The following CDH26 variants were observed in gnomAD, a reference collection of about 807,000 sequenced individuals.
CDH26 encodes cadherin 26, also known as cadherin-like protein 26.
In CDH26, 83 loss-of-function variants were observed where a neutral mutation model predicts 90.3. The observed-to-expected ratio is 0.92, with a 90% CI of 0.77 to 1.10. The LOEUF is 1.10. CDH26 is among the 50% of genes least tolerant of loss of function. The probability of loss-of-function intolerance (pLI) is 0.00; values close to 1 mark genes in which losing one functional copy is unlikely to be tolerated. For synonymous variants in CDH26, 397 were observed against 396.3 expected, an observed-to-expected ratio of 1.00 and a Z score of -0.02; for missense variants, 1,013 against 1,037.6, an observed-to-expected ratio of 0.98 and a Z score of 0.33.
In CDH26 at chr20:59,996,759, C is replaced by G. The variant is rs777549223; in HGVS notation, c.2017C>G (p.Gln673Glu). The change falls in exon 13 of 18, where the codon CAG becomes GAG. Residue 673 changes from glutamine (Q) to glutamate (E), a missense_variant and splice_region_variant. Transcript: ENST00000348616. ...TGCGGAGAGCAAAGGCACTTCAGCC[C>G]AGGTAGTGGAATGTCATGCTTTGTG... Reference protein sequence around the residue: ...YNAESKGTSAQTWSDVEGQRP... With the variant: ...YNAESKGTSAETWSDVEGQRP... The G allele has an allele frequency of 1.9e-6, 3 of 1,614,190 alleles. No individual in the cohort carries two copies. The highest frequency in any genetic ancestry group is 2.5e-6 in the Non-Finnish European group (3 of 1,180,034).
At chr20:59,988,568 T>G (rs929254980) in intron 8 of CDH26, among the ~76,000 whole-genome samples, 1 of 152,240 alleles carries the variant, frequency 6.6e-6, no homozygotes, top group African/African-American at 2.4e-5. Flanking sequence ...CATTAATATC[T>G]ATATTTCCCT....
Position 60,013,846 on chromosome 20 carries a change from G to A in CDH26, c.*1116G>A, listed in dbSNP as rs560239520. 2.8e-4 allele frequency: 43 copies of A among 152,144 alleles called. No individual in the cohort carries two copies. The highest frequency in any genetic ancestry group is 1.2e-3 in the Admixed American group (19 of 15,282). The allele number at this position is 152,144 out of a possible 1,614,324, so 9.4% of individuals were successfully genotyped here. A position where few individuals can be genotyped will look rare whatever the true frequency, so the allele number is the denominator to read the frequency against. Reference sequence around the variant, plus strand: ...AGGAGATCTGGCCTTTTCCTACCTGGTTACCTCAGTCTTCCTCTGCTTTGG... The same window carrying A: ...AGGAGATCTGGCCTTTTCCTACCTGATTACCTCAGTCTTCCTCTGCTTTGG... On this transcript the variant is annotated 3_prime_UTR_variant, in exon 18 of 18. Coordinates refer to ENST00000348616, the MANE Select transcript of CDH26 (RefSeq NM_177980.4).
At chr20:59,987,993 A>G (rs755760280) in intron 8 of CDH26, among the ~76,000 whole-genome samples, 3 of 152,218 alleles carry the variant, frequency 2.0e-5, no homozygotes, top group Non-Finnish European at 2.9e-5. Context: ...CTTCAACACT[A>G]AAAGTTCTTT....
chr20:60,035,246 G>C (rs1367509980), downstream of CDH26, among the ~76,000 whole-genome samples: 1 of 152,188 alleles, frequency 6.6e-6, no homozygotes, highest in Non-Finnish European at 1.5e-5. Context: ...GTCCTGCTGA[G>C]AACATTCTAA....
At chr20:59,966,508 C>A (rs922167441) in intron 1 of CDH26, among the ~76,000 whole-genome samples, 1 of 152,142 alleles carries the variant, frequency 6.6e-6, no homozygotes, top group African/African-American at 2.4e-5. Context: ...AACTAGTTTT[C>A]TTTGTGTTTC....
In CDH26 at chr20:59,995,837, A is replaced by G. The variant is rs1238975108; in HGVS notation, c.1671A>G (p.Gln557=). 1.2e-6 allele frequency: 2 copies of G among 1,614,088 alleles called. No individual in the cohort carries two copies. The highest frequency in any genetic ancestry group is 1.3e-5 in the African/African-American group (1 of 75,044). The part of the protein sequence containing the change: ...DTWKLGRNWG[Q]SVELLTLRSL... ...ATGTTCTTTTTCCCTTTGCAGGTCAATCAGTTGAACTTTTAACCTTGAGAA... is the reference window on the plus strand; with the variant it reads ...ATGTTCTTTTTCCCTTTGCAGGTCAGTCAGTTGAACTTTTAACCTTGAGAA... The change falls in exon 12 of 18, where the codon CAA becomes CAG. Residue 557 remains glutamine (Q), a synonymous_variant. Transcript: ENST00000348616.
rs1368201331 is a variant in CDH26, at chr20:59,966,283, G to A, written c.70-2684G>A. On this transcript the variant is annotated intron_variant, in intron 1 of 17. Transcript: ENST00000348616. ...GTGGCCTGTTCAGCTGGAAACTGAA[G>A]CAATCACGCAAGTACTTTTCTTTGA... is the stretch of plus-strand genomic sequence containing the variant. Among the ~76,000 whole-genome samples, 4 of 132,930 alleles carry A rather than the reference G, an allele frequency of 3.0e-5. No individual in the cohort carries two copies. The East Asian group carries it at 6.5e-4, about 22-fold the overall frequency. The allele number at this position is 132,930 out of a possible 152,430, so 87.2% of individuals were successfully genotyped here. A position where few individuals can be genotyped will look rare whatever the true frequency, so the allele number is the denominator to read the frequency against.
chr20:60,008,654 G>A (rs551659004), intron 17 of CDH26, among the ~76,000 whole-genome samples: 1 of 152,308 alleles, frequency 6.6e-6, no homozygotes, highest in African/African-American at 2.4e-5. Flanking sequence ...CTGAGGAAGT[G>A]AGCCCAGACT....
rs368910958 is a variant in CDH26, at chr20:59,958,698, C to A, written c.-29C>A. 1.1e-5 allele frequency: 17 copies of A among 1,611,360 alleles called. No individual in the cohort carries two copies. The African/African-American group carries it at 1.9e-4, about 18-fold the overall frequency. On this transcript the variant is annotated 5_prime_UTR_variant, in exon 1 of 18. Transcript: ENST00000348616. ...CTTGGAGGACTGGTCATCAGCTGCACGTTCTGGGTCTGTCTTGGGTATTCC... is the reference window on the plus strand; with the variant it reads ...CTTGGAGGACTGGTCATCAGCTGCAAGTTCTGGGTCTGTCTTGGGTATTCC...
chr20:60,029,351 CCTATAGTCAACAACGTAGCAT>C (rs2062022895), intron 7 of CDH26, among the ~76,000 whole-genome samples: 15 of 27,830 alleles, frequency 5.4e-4, no homozygotes, highest in African/African-American at 1.1e-3. Context: ...CAACGTAGCA[CCTATAGTCAACAACGTAGCAT>C]CTATAGTCAA....
At chr20:59,966,624 A>G (rs150400995) in intron 1 of CDH26, among the ~76,000 whole-genome samples, 70 of 152,246 alleles carry the variant, frequency 4.6e-4, no homozygotes, top group African/African-American at 1.6e-3. Context: ...CAGCAATTCC[A>G]CTCACCAACG....
chr20:60,005,808 G>C (rs1263624615), intron 16 of CDH26, among the ~76,000 whole-genome samples: 2 of 152,086 alleles, frequency 1.3e-5, no homozygotes, highest in African/African-American at 4.8e-5. Context: ...TGTCTTTAAT[G>C]TCCTGTGAGA....
intron 12 of CDH26, chr20:59,996,301 A>G: frequency 7.7e-7 from 1 of 1,303,712 alleles, no homozygotes; most frequent in Non-Finnish European, 1.0e-6. Flanking sequence ...ATAGTCAAGG[A>G]GTGGCCCTTT....
In CDH26 at chr20:60,013,968, C is replaced by G. The variant is rs1261546300; in HGVS notation, c.*1238C>G. The G allele has an allele frequency of 6.6e-6, 1 of 151,584 alleles. No individual in the cohort carries two copies. The highest frequency in any genetic ancestry group is 1.5e-5 in the Non-Finnish European group (1 of 67,964). 9.4% of individuals were successfully genotyped at this position (151,584 alleles called of 1,614,324 possible). A position where few individuals can be genotyped will look rare whatever the true frequency, so the allele number is the denominator to read the frequency against. On this transcript the variant is annotated 3_prime_UTR_variant, in exon 18 of 18. Transcript: ENST00000348616. ...CAGCTGTACTGATCCTAGCATGACT[C>G]AGAGGACAGTCTAGGGCATTTTCTG...
At chr20:60,006,561 A>T (rs914329519) in intron 16 of CDH26, 152 bp from the exon 17 acceptor site, 7 of 595,994 alleles carry the variant, frequency 1.2e-5, no homozygotes, top group African/African-American at 1.1e-4. Flanking sequence ...CAAAGAGAGG[A>T]AACGTGAGCA....
chr20:59,964,761 G>C (rs2061124852), intron 1 of CDH26, among the ~76,000 whole-genome samples: 1 of 152,156 alleles, frequency 6.6e-6, no homozygotes, highest in African/African-American at 2.4e-5. Context: ...GCTCTTACAT[G>C]ACTGTCAACT....
chr20:60,022,028 C>A (rs1046886509), intron 7 of CDH26, among the ~76,000 whole-genome samples: 9 of 151,686 alleles, frequency 5.9e-5, no homozygotes, highest in Non-Finnish European at 7.4e-5. Flanking sequence ...TTCAGCCTTT[C>A]CCTTTACATG....
At position 60,024,817 on chromosome 20, in the gene CDH26, TC is replaced by T. The variant is rs1385899012; in HGVS notation, c.948-6411del. 3.9e-5 allele frequency among the ~76,000 whole-genome samples: 6 copies of T among 152,352 alleles called. No homozygotes were observed. In the East Asian group the frequency reaches 1.2e-3, roughly 29 times the overall value. On this transcript the variant is annotated intron_variant, in intron 7 of 8. Coordinates refer to the CDH26 transcript ENST00000370991. ...CTGAATTTAGCCAGGGCTATGGCTTTCCCAAATGTACAATGCATTTCTCAGA... is the reference window on the plus strand; with the variant it reads ...CTGAATTTAGCCAGGGCTATGGCTTTCCAAATGTACAATGCATTTCTCAGA...
At chr20:60,012,244 T>C (rs2061854192) in intron 17 of CDH26, among the ~76,000 whole-genome samples, 1 of 151,964 alleles carries the variant, frequency 6.6e-6, no homozygotes, top group Non-Finnish European at 1.5e-5. Flanking sequence ...GGAATGAATC[T>C]GCAAGAGGGT....
Sources: gnomAD v4.1 joint callset for allele counts (sites outside exome capture counted in the v4.1 genomes callset) on GRCh38, gnomAD v4.1.1 for gene constraint, MANE v1.5 for transcripts, NCBI Gene and HGNC (gene_info 2026-07-23, HGNC 2026-07-21) for gene names.